Variants in KIAA1217 observed in about 807,000 individuals in gnomAD.
The protein encoded by KIAA1217 is sickle tail protein homolog.
In KIAA1217, 88 loss-of-function variants were observed where a neutral mutation model predicts 163.9. The ratio of observed to expected loss-of-function variants is 0.54; its 90% CI spans 0.45 to 0.64. The LOEUF (loss-of-function observed/expected upper bound fraction) is 0.64. KIAA1217 is among the 30% of genes least tolerant of loss of function. The pLI, the probability that KIAA1217 is intolerant of heterozygous loss-of-function variation, is 0.00. For missense variants in KIAA1217, 2,372 were observed against 2,475.0 expected, an observed-to-expected ratio of 0.96 and a Z score of 0.88; for synonymous variants, 903 against 923.1, an observed-to-expected ratio of 0.98 and a Z score of 0.39.
rs534764113 is a variant in KIAA1217 at position 23,965,027 on chromosome 10, G to A, written c.-320-42198G>A. Reference sequence around the variant, plus strand: ...AATGACTTTACCCCGTCCCCCAGCTGCACATTAAAGGTGAAAATATAGTCA... The same window carrying A: ...AATGACTTTACCCCGTCCCCCAGCTACACATTAAAGGTGAAAATATAGTCA... On this transcript the variant is annotated intron_variant, in intron 1 of 18. Transcript: ENST00000376462. Among the ~76,000 whole-genome samples the A allele has an allele frequency of 1.4e-3, 219 of 152,308 alleles. 3 individuals are homozygous for A. The highest frequency in any genetic ancestry group is 4.9e-3 in the African/African-American group (203 of 41,580).
Position 24,209,235 on chromosome 10 carries a change from T to C in KIAA1217, c.42T>C (p.Pro14=). 1.2e-6 allele frequency: 2 copies of C among 1,613,798 alleles called. No individual in the cohort carries two copies. Among genetic ancestry groups the C allele is most frequent in the African/African-American group, 1.3e-5 (1 of 74,930 alleles). ...GCCAGAAATGTGAGCCGTGCCTTCC[T>C]TACTCAGCAGACAGAAGACAGATGC... ...NESQKCEPCL[P]YSADRRQMQE... Residue 14 remains proline, a synonymous_variant, in exon 1 of 21, where the codon CCT becomes CCC. Transcript: ENST00000376454.
At chr10:23,883,576 G>A (rs767035706) in intron 1 of KIAA1217, among the ~76,000 whole-genome samples, 1 of 151,778 alleles carries the variant, frequency 6.6e-6, no homozygotes, top group Admixed American at 6.6e-5. Flanking sequence ...CATTAGCAAC[G>A]TTCTCCACCA....
At chr10:24,395,621 G>C (rs953729527) in intron 3 of KIAA1217, among the ~76,000 whole-genome samples, 6 of 152,154 alleles carry the variant, frequency 3.9e-5, no homozygotes, top group African/African-American at 1.4e-4. Flanking sequence ...TTGATTCTAG[G>C]GCTAGGCACG....
chr10:23,899,850 A>G (rs1257577699), intron 1 of KIAA1217, among the ~76,000 whole-genome samples: 1 of 152,048 alleles, frequency 6.6e-6, no homozygotes, highest in Non-Finnish European at 1.5e-5. Context: ...ACTAGGTAAA[A>G]TACAGTTTGA....
intron 1 of KIAA1217, among the ~76,000 whole-genome samples, chr10:23,910,612 T>G (rs1007461685): frequency 2.6e-5 from 4 of 152,136 alleles, no homozygotes; most frequent in Admixed American, 6.5e-5. Context: ...GCCAGAAAAT[T>G]AAATCCTGGG....
chr10:24,312,390 C>T (rs189921464), intron 2 of KIAA1217, among the ~76,000 whole-genome samples: 1,563 of 151,638 alleles, frequency 0.01, 15 homozygotes, highest in Non-Finnish European at 0.014. Context: ...CCAAGGCGGC[C>T]GAATCACCTG....
chr10:24,538,566 G>GCGGA (rs2074403470), intron 17 of KIAA1217, among the ~76,000 whole-genome samples: 1 of 83,948 alleles, frequency 1.2e-5, no homozygotes, highest in African/African-American at 4.6e-5. Context: ...GGGAGGGAGG[G>GCGGA]AGGAAGGAAG....
intron 2 of KIAA1217, among the ~76,000 whole-genome samples, chr10:24,064,671 A>G (rs866280265): frequency 1.6e-4 from 24 of 152,108 alleles, no homozygotes; most frequent in Non-Finnish European, 2.1e-4. Context: ...GAGTTAGGGA[A>G]GATTCCCTCT....
At chr10:24,048,060 T>G (rs1849171271) in intron 2 of KIAA1217, among the ~76,000 whole-genome samples, 1 of 152,218 alleles carries the variant, frequency 6.6e-6, no homozygotes, top group African/African-American at 2.4e-5. Flanking sequence ...TTTATCTGAC[T>G]GCCTTTAGGA....
intron 1 of KIAA1217, among the ~76,000 whole-genome samples, chr10:23,699,384 C>A (rs1836270761): frequency 6.6e-6 from 1 of 152,150 alleles, no homozygotes; most frequent in South Asian, 2.1e-4. Flanking sequence ...GGAACTTGGG[C>A]CCAGAAAACG....
chr10:24,487,349 C>T (rs895374268), intron 6 of KIAA1217, among the ~76,000 whole-genome samples: 7 of 152,250 alleles, frequency 4.6e-5, no homozygotes, highest in Admixed American at 3.3e-4. Flanking sequence ...GGAAGAAAGG[C>T]ATCAGCATCA....
At chr10:24,068,190 G>T (rs1564660901) in intron 2 of KIAA1217, among the ~76,000 whole-genome samples, 1 of 152,198 alleles carries the variant, frequency 6.6e-6, no homozygotes, top group South Asian at 2.1e-4. Flanking sequence ...GATGAACCCA[G>T]TACCTCTGTT....
intron 1 of KIAA1217, among the ~76,000 whole-genome samples, chr10:23,994,196 T>C (rs1052376574): frequency 2.0e-5 from 3 of 152,204 alleles, no homozygotes; most frequent in Non-Finnish European, 4.4e-5. Context: ...GACAAGCCTT[T>C]CTTGGTTTCT....
At chr10:24,127,561 C>T (rs914042523) in intron 2 of KIAA1217, among the ~76,000 whole-genome samples, 1 of 152,102 alleles carries the variant, frequency 6.6e-6, no homozygotes, top group African/African-American at 2.4e-5. Context: ...GCTTTGTAAT[C>T]AAATTCTGAG....
chr10:24,017,040 GTT>G (rs35042335), intron 2 of KIAA1217, among the ~76,000 whole-genome samples: 37,179 of 130,894 alleles, frequency 0.28, 5,166 homozygotes, highest in Middle Eastern at 0.48. Flanking sequence ...TAGTTTTTTT[GTT>G]TTTTTTTTTT....
intron 2 of KIAA1217, among the ~76,000 whole-genome samples, chr10:24,274,415 A>G (rs2077066086): frequency 6.6e-6 from 1 of 151,666 alleles, no homozygotes; most frequent in South Asian, 2.1e-4. Context: ...TCTCCATTCT[A>G]AGTCCAGTGG....
chr10:24,307,140 C>G (rs1472427939), intron 2 of KIAA1217, among the ~76,000 whole-genome samples: 3 of 152,196 alleles, frequency 2.0e-5, no homozygotes, highest in Non-Finnish European at 4.4e-5. Flanking sequence ...AAAATAGATG[C>G]ATTTCTTCCA....
intron 2 of KIAA1217, among the ~76,000 whole-genome samples, chr10:24,344,694 A>G (rs1309020461): frequency 6.6e-6 from 1 of 152,242 alleles, no homozygotes; most frequent in Non-Finnish European, 1.5e-5. Flanking sequence ...AAACATGGTC[A>G]GGGAATAGCC....
In KIAA1217 at chr10:24,433,112, T is replaced by C; in HGVS notation, c.671T>C (p.Met224Thr). The change falls in exon 4 of 21, where the codon ATG becomes ACG. Residue 224 changes from methionine (M) to threonine (T), a missense_variant. Coordinates refer to ENST00000376454, the MANE Select transcript of KIAA1217 (RefSeq NM_019590.5). Reference sequence around the variant, plus strand: ...AGTGCCTTTCCACAGCAGCTCACCATGAAAATGCTGGAATCGCCCAGTGTC... The same window carrying C: ...AGTGCCTTTCCACAGCAGCTCACCACGAAAATGCTGGAATCGCCCAGTGTC... Reference protein sequence around the residue: ...FVSAFPQQLTMKMLESPSVAI... With the variant: ...FVSAFPQQLTTKMLESPSVAI... 1.9e-6 allele frequency: 3 copies of C among 1,614,152 alleles called. No homozygotes were observed. The highest frequency in any genetic ancestry group is 2.5e-6 in the Non-Finnish European group (3 of 1,180,010).
Sources: allele counts gnomAD v4.1 joint callset (sites outside exome capture counted in the v4.1 genomes callset), GRCh38; gene constraint gnomAD v4.1.1; transcripts MANE v1.5; gene names NCBI Gene and HGNC (gene_info 2026-07-23, HGNC 2026-07-21).